Variants in HCN4 observed in about 807,000 individuals in gnomAD.
HCN4 encodes the protein potassium/sodium hyperpolarization-activated cyclic nucleotide-gated channel 4.
HCN4 carries 29 observed loss-of-function variants against 76.9 expected under a neutral mutation model. That is an observed-to-expected ratio of 0.38 (90% confidence interval 0.28 to 0.51). HCN4 has a LOEUF of 0.51. Among genes scored for constraint, HCN4 ranks in the 20% least tolerant of loss-of-function variants. The probability of loss-of-function intolerance (pLI) is 0.90; values close to 1 mark genes in which losing one functional copy is unlikely to be tolerated. For missense variants in HCN4, 1,416 were observed against 1,715.2 expected (o/e 0.83, Z 3.08); for synonymous variants, 772 against 762.5 (o/e 1.01, Z -0.21).
rs1458230097 is a variant in HCN4 at position 73,368,571 on chromosome 15, G to A, written c.-301C>T. 2.7e-5 allele frequency: 6 copies of A among 219,318 alleles called. No homozygotes were observed. Among genetic ancestry groups the A allele is most frequent in the East Asian group, 1.8e-4 (2 of 10,956 alleles). The allele number at this position is 219,318 out of a possible 1,614,324, so 13.6% of individuals were successfully genotyped here. A position where few individuals can be genotyped will look rare whatever the true frequency, so the allele number is the denominator to read the frequency against. ...CGTTCAGGGGCGCGGCGCGCCGCCC[G>A]GCTCCAGGCGCCCCGCCCCCGCGGG... On this transcript the variant is annotated 5_prime_UTR_variant, in exon 1 of 8. Transcript: ENST00000261917. This position sits in a 1 kb window ranked among gnomAD's most constrained non-coding sequence, Gnocchi z 6.9.
chr15:73,342,009 A>G (rs898358761), intron 2 of HCN4, among the ~76,000 whole-genome samples: 1 of 152,162 alleles, frequency 6.6e-6, no homozygotes, highest in Non-Finnish European at 1.5e-5. Context: ...ACAGGGATGG[A>G]GCGGGAAATG....
intron 1 of HCN4, among the ~76,000 whole-genome samples, chr15:73,354,992 G>A (rs866802326): frequency 6.6e-6 from 1 of 152,346 alleles, no homozygotes; most frequent in South Asian, 2.1e-4. Context: ...GAGGGTTGAT[G>A]CAGAATCTCT....
intron 1 of HCN4, among the ~76,000 whole-genome samples, chr15:73,358,751 A>G (rs1009359638): frequency 1.3e-5 from 2 of 152,202 alleles, no homozygotes; most frequent in Non-Finnish European, 1.5e-5. Flanking sequence ...GGCGGCCCTT[A>G]GCTTAAGCTT....
Position 73,367,872 on chromosome 15 carries a change from G to C in HCN4, c.399C>G (p.Ala133=). 3 of 1,337,210 alleles carry C rather than the reference G, an allele frequency of 2.2e-6. No homozygotes were observed. Among genetic ancestry groups the C allele is most frequent in the Non-Finnish European group, 2.9e-6 (3 of 1,041,768 alleles). 82.8% of individuals were successfully genotyped at this position (1,337,210 alleles called of 1,614,324 possible). ...CCTCGCCGGGGGACGCGTCGCCCTC[G>C]GCGATGAGCCGCCGCTCCTCCGCGG... ...HDSAEERRLI[A]EGDASPGEDR... The change falls in exon 1 of 8, where the codon GCC becomes GCG. Residue 133 remains alanine, a synonymous_variant. Transcript: ENST00000261917. The surrounding 1 kb of genome is among the most constrained non-coding windows in gnomAD (Gnocchi z 7.5).
intron 1 of HCN4, among the ~76,000 whole-genome samples, chr15:73,360,581 G>C (rs1402210564): frequency 2.0e-5 from 3 of 152,004 alleles, no homozygotes; most frequent in Non-Finnish European, 4.4e-5. Context: ...AAGGAGGAAT[G>C]TCAAATTCCA....
At position 73,332,149 on chromosome 15, in the gene HCN4, C is replaced by A. The variant is rs770275411; in HGVS notation, c.1353G>T (p.Val451=). ...CACTCACCACCATGTTGTTGATGGA[C>A]ACCCAGCAGTCGTCAGGGAAGTCCT... ...MLQDFPDDCW[V]SINNMVNNSW... Residue 451 remains valine (V), a synonymous_variant, in exon 3 of 8, where the codon GTG becomes GTT. Transcript: ENST00000261917. 1 of 1,614,090 alleles carries A rather than the reference C, an allele frequency of 6.2e-7. No individual in the cohort carries two copies. The highest frequency in any genetic ancestry group is 1.1e-5 in the South Asian group (1 of 91,076).
intron 1 of HCN4, among the ~76,000 whole-genome samples, chr15:73,355,125 C>T (rs781130818): frequency 2.0e-5 from 3 of 152,176 alleles, no homozygotes; most frequent in East Asian, 1.9e-4. Context: ...AGGATGCAGG[C>T]GCCCAAGTAG....
Position 73,353,158 on chromosome 15 carries a change from A to G in HCN4, c.786-9350T>C, listed in dbSNP as rs1292395594. ...TGATGATTTCTAAGGGTGGGAATAT[A>G]TCGTGACTCTGAGTTTCTCCATTTC... On this transcript the variant is annotated intron_variant, in intron 1 of 7. Coordinates refer to ENST00000261917, the MANE Select transcript of HCN4 (RefSeq NM_005477.3). Among the ~76,000 whole-genome samples, 3 of 152,242 alleles carry G rather than the reference A, an allele frequency of 2.0e-5. No individual in the cohort carries two copies. In the East Asian group the frequency reaches 5.8e-4, roughly 29 times the overall value.
At position 73,332,164 on chromosome 15, in the gene HCN4, A is replaced by C. The variant is rs780604251; in HGVS notation, c.1338T>G (p.Pro446=). 12 of 1,614,080 alleles carry C rather than the reference A, an allele frequency of 7.4e-6. No homozygotes were observed. The highest frequency in any genetic ancestry group is 1.0e-5 in the Non-Finnish European group (12 of 1,180,036). The change falls in exon 3 of 8, where the codon CCT becomes CCG. Residue 446 remains proline (P), a synonymous_variant. Coordinates refer to ENST00000261917, the MANE Select transcript of HCN4 (RefSeq NM_005477.3). The part of the protein sequence containing the change: ...QFLVPMLQDF[P]DDCWVSINNM... ...TGTTGATGGACACCCAGCAGTCGTC[A>C]GGGAAGTCCTGTAGCATGGGTACCA...
intron 1 of HCN4, among the ~76,000 whole-genome samples, chr15:73,358,174 C>A (rs944109570): frequency 3.9e-5 from 6 of 152,114 alleles, no homozygotes; most frequent in African/African-American, 1.4e-4. Context: ...GATAGAGGAC[C>A]CAGGGCTCTG....
chr15:73,356,277 C>T (rs1235678522), intron 1 of HCN4, among the ~76,000 whole-genome samples: 1 of 151,120 alleles, frequency 6.6e-6, no homozygotes, highest in Non-Finnish European at 1.5e-5. Flanking sequence ...GCCTCGACCT[C>T]CCTGGGCTCA....
At chr15:73,329,551 G>C in intron 4 of HCN4, 22 bp downstream of exon 4, 4 of 1,610,384 alleles carry the variant, frequency 2.5e-6, no homozygotes, top group Non-Finnish European at 3.4e-6. Flanking sequence ...CCAATGTGCG[G>C]GTGCTCCCTG....
chr15:73,330,063 G>C (rs1280201928), intron 3 of HCN4, among the ~76,000 whole-genome samples: 1 of 152,180 alleles, frequency 6.6e-6, no homozygotes, highest in Non-Finnish European at 1.5e-5. Flanking sequence ...CAGCCCCCAT[G>C]GGGCAGCTTG....
chr15:73,331,936 G>A (rs1005329797), intron 3 of HCN4, among the ~76,000 whole-genome samples, 195 bp downstream of exon 3: 2 of 152,178 alleles, frequency 1.3e-5, no homozygotes, highest in African/African-American at 4.8e-5. Flanking sequence ...TCCCAACCCA[G>A]AGCTGTGAAT....
chr15:73,336,574 A>G (rs1156630515), intron 2 of HCN4, among the ~76,000 whole-genome samples: 1 of 151,970 alleles, frequency 6.6e-6, no homozygotes, highest in Admixed American at 6.5e-5. Context: ...TCCATCTCAC[A>G]ATTGGTGTCG....
In HCN4 at chr15:73,325,430, C is replaced by T; in HGVS notation, c.1605G>A (p.Glu535=). The T allele has an allele frequency of 3.7e-6, 6 of 1,614,132 alleles. No individual in the cohort carries two copies. Among genetic ancestry groups the T allele is most frequent in the Non-Finnish European group, 5.1e-6 (6 of 1,179,982 alleles). ...GGAGCTTGTGAAAGGACATGTACTG[C>T]TCCACCTGCTTGTACTGAGGCCGGG... The part of the protein sequence containing the change: ...RQYQEKYKQV[E]QYMSFHKLPP... Residue 535 remains glutamate (E), a synonymous_variant, in exon 5 of 8, where the codon GAG becomes GAA. Coordinates refer to ENST00000261917, the MANE Select transcript of HCN4 (RefSeq NM_005477.3). The surrounding 1 kb of genome is among the most constrained non-coding windows in gnomAD (Gnocchi z 7.4).
intron 3 of HCN4, among the ~76,000 whole-genome samples, chr15:73,330,540 C>T (rs2042926787): frequency 6.6e-6 from 1 of 152,218 alleles, no homozygotes; most frequent in African/African-American, 2.4e-5. Flanking sequence ...GCCTGCCACC[C>T]TCACATAGAG....
Position 73,322,910 on chromosome 15 carries a change from TG to T in HCN4, c.3182del (p.Pro1061HisfsTer120). On this transcript the variant is annotated frameshift_variant, in exon 8 of 8. Transcript: ENST00000261917. LOFTEE classifies it high-confidence loss of function. ...SLLLPPASSPPPPQVPQRRGT... is the reference protein window; with the variant it reads ...SLLLPPASSPXPPQVPQRRGT... ...CCCGGCGCTGGGGGACCTGGGGTGGTGGGGGGCTGGATGCAGGTGGCAGGAG... is the reference window on the plus strand; with the variant it reads ...CCCGGCGCTGGGGGACCTGGGGTGGTGGGGGCTGGATGCAGGTGGCAGGAG... 2.5e-6 allele frequency: 3 copies of T among 1,211,520 alleles called. No homozygotes were observed. The highest frequency in any genetic ancestry group is 4.1e-5 in the South Asian group (2 of 49,022). The allele number at this position is 1,211,520 out of a possible 1,614,324, so 75.0% of individuals were successfully genotyped here. A position where few individuals can be genotyped will look rare whatever the true frequency, so the allele number is the denominator to read the frequency against.
chr15:73,354,583 G>T (rs1170255302), intron 1 of HCN4, among the ~76,000 whole-genome samples: 1 of 152,170 alleles, frequency 6.6e-6, no homozygotes, highest in East Asian at 1.9e-4. Flanking sequence ...GTAGATGTAC[G>T]GTGGCTAGGT....
Sources: allele counts gnomAD v4.1 joint callset (sites outside exome capture counted in the v4.1 genomes callset), GRCh38; gene constraint gnomAD v4.1.1; non-coding constraint Gnocchi (gnomAD v3.1); transcripts MANE v1.5; gene names NCBI Gene and HGNC (gene_info 2026-07-23, HGNC 2026-07-21).